The following BNC2 variants were observed in gnomAD, a reference collection of about 807,000 sequenced individuals.
BNC2 encodes basonuclin zinc finger protein 2.
In BNC2, 20 loss-of-function variants were observed where a neutral mutation model predicts 76.3. The ratio of observed to expected loss-of-function variants is 0.26; its 90% CI spans 0.18 to 0.38. The LOEUF (loss-of-function observed/expected upper bound fraction) is 0.38. Among genes scored for constraint, BNC2 ranks in the 10% least tolerant of loss-of-function variants. The pLI, the probability that BNC2 is intolerant of heterozygous loss-of-function variation, is 1.00. For missense variants in BNC2, 1,382 were observed against 1,399.8 expected (o/e 0.99, Z 0.20); for synonymous variants, 582 against 514.8 (o/e 1.13, Z -1.77).
intron 1 of BNC2, among the ~76,000 whole-genome samples, chr9:16,786,181 A>G (rs1399414294): frequency 6.6e-6 from 1 of 152,246 alleles, no homozygotes; most frequent in Non-Finnish European, 1.5e-5. Context: ...AGTGTGCGCT[A>G]GTTTTTACAG....
intron 5 of BNC2, among the ~76,000 whole-genome samples, chr9:16,459,203 T>C (rs1028955148): frequency 2.0e-5 from 3 of 152,212 alleles, no homozygotes; most frequent in Admixed American, 6.5e-5. Context: ...TGTCCTAGCA[T>C]GCATTCTAAC....
intron 1 of BNC2, among the ~76,000 whole-genome samples, chr9:16,847,804 C>T (rs1244019277): frequency 2.6e-5 from 4 of 152,142 alleles, no homozygotes; most frequent in Non-Finnish European, 5.9e-5. Context: ...ACCTGAGAAT[C>T]TACGGAGCAG....
chr9:16,420,332 G>A (rs1307295215), intron 6 of BNC2, among the ~76,000 whole-genome samples: 1 of 152,116 alleles, frequency 6.6e-6, no homozygotes, highest in African/African-American at 2.4e-5. Flanking sequence ...GGGAATCCCA[G>A]TTAAATCTAA....
rs144049691 is a variant in BNC2, at chr9:16,765,452, A to T, written c.4-26967T>A. On this transcript the variant is annotated intron_variant, in intron 1 of 6. Transcript: ENST00000380672. The stretch of plus-strand genomic sequence containing the variant: ...GAAACAATATTACTCAATATTATTA[A>T]ATCTGTTATTATTAACATTTTAGTC... Among the ~76,000 whole-genome samples, 326 of 152,316 alleles carry T rather than the reference A, an allele frequency of 2.1e-3. 4 individuals are homozygous for T. The highest frequency in any genetic ancestry group is 7.7e-3 in the African/African-American group (320 of 41,564).
At chr9:16,705,841 A>G (rs1350586975) in intron 3 of BNC2, among the ~76,000 whole-genome samples, 2 of 152,214 alleles carry the variant, frequency 1.3e-5, no homozygotes, top group African/African-American at 2.4e-5. Context: ...AACAATTCCT[A>G]TTTCTCCAGA....
chr9:16,758,079 A>G (rs1466364822), intron 1 of BNC2, among the ~76,000 whole-genome samples: 2 of 152,186 alleles, frequency 1.3e-5, no homozygotes, highest in Non-Finnish European at 2.9e-5. Context: ...AAGAGACTCA[A>G]AAGCAGAATC....
chr9:16,498,530 G>C (rs1387828249), intron 5 of BNC2, among the ~76,000 whole-genome samples: 3 of 150,968 alleles, frequency 2.0e-5, no homozygotes, highest in Non-Finnish European at 2.9e-5. Flanking sequence ...GAGTGGGAGG[G>C]GGGTGAGGGA....
chr9:16,793,783 A>G (rs1586888945), intron 1 of BNC2, among the ~76,000 whole-genome samples: 1 of 144,966 alleles, frequency 6.9e-6, no homozygotes, highest in Non-Finnish European at 1.5e-5. Flanking sequence ...CTCCTGCCTC[A>G]GCCTCCCGAG....
In BNC2 at chr9:16,488,992, A is replaced by G. The variant is rs1297018671; in HGVS notation, c.670-51468T>C. ...TCATTCAGTATAAACCTATACACTA[A>G]GACAATAGAATTAAAAATTAAAATA... is the stretch of plus-strand genomic sequence containing the variant. On this transcript the variant is annotated intron_variant, in intron 5 of 6. Coordinates refer to ENST00000380672, the MANE Select transcript of BNC2 (RefSeq NM_017637.6). Among the ~76,000 whole-genome samples the G allele has an allele frequency of 2.6e-5, 4 of 152,182 alleles. No homozygotes were observed. The South Asian group carries it at 8.3e-4, about 31-fold the overall frequency.
At chr9:16,541,841 T>G (rs12684989) in intron 5 of BNC2, among the ~76,000 whole-genome samples, 1 of 152,160 alleles carries the variant, frequency 6.6e-6, no homozygotes, top group Non-Finnish European at 1.5e-5. Context: ...GTCACTGATC[T>G]GTGTTCCAAA....
chr9:16,715,395 T>A (rs760819264), intron 3 of BNC2, among the ~76,000 whole-genome samples: 2 of 152,248 alleles, frequency 1.3e-5, no homozygotes, highest in African/African-American at 2.4e-5. Context: ...AGAATTTGGT[T>A]GATCCCAGTG....
At chr9:16,788,913 C>T (rs772630940) in intron 1 of BNC2, among the ~76,000 whole-genome samples, 1 of 151,396 alleles carries the variant, frequency 6.6e-6, no homozygotes, top group Non-Finnish European at 1.5e-5. Context: ...CCACCTCCTA[C>T]CTCAAACCAA....
intron 1 of BNC2, among the ~76,000 whole-genome samples, chr9:16,822,141 G>A (rs532577239): frequency 2.1e-3 from 307 of 147,676 alleles, no homozygotes; most frequent in Non-Finnish European, 3.5e-3. Flanking sequence ...TGACATGCCC[G>A]TAATCCCAGC....
At chr9:16,558,714 A>C (rs1456955589) in intron 4 of BNC2, among the ~76,000 whole-genome samples, 1 of 152,062 alleles carries the variant, frequency 6.6e-6, no homozygotes, top group Non-Finnish European at 1.5e-5. Context: ...GCGGATCATG[A>C]GGTTAGGAGT....
At chr9:16,656,599 C>T (rs1821937586) in intron 3 of BNC2, among the ~76,000 whole-genome samples, 2 of 152,204 alleles carry the variant, frequency 1.3e-5, no homozygotes, top group South Asian at 4.1e-4. Flanking sequence ...GCTACCATCA[C>T]CACAACCAGA....
intron 5 of BNC2, among the ~76,000 whole-genome samples, chr9:16,453,865 T>C (rs955801698): frequency 2.0e-5 from 3 of 152,214 alleles, no homozygotes; most frequent in African/African-American, 7.2e-5. Context: ...GATTTAAGCA[T>C]AAATTCTTTA....
intron 6 of BNC2, chr9:16,429,850 A>T: frequency 2.2e-6 from 1 of 459,940 alleles, no homozygotes; most frequent in Admixed American, 2.3e-5. Context: ...TGGAGGAGTG[A>T]AAGGTCAGCA....
intron 1 of BNC2, among the ~76,000 whole-genome samples, chr9:16,849,377 G>A (rs1439341102): frequency 6.4e-5 from 1 of 15,556 alleles, no homozygotes. Context: ...TTTTTTTTTT[G>A]AGATGGAGTC....
At chr9:16,652,945 C>T (rs760336965) in intron 3 of BNC2, among the ~76,000 whole-genome samples, 2 of 152,152 alleles carry the variant, frequency 1.3e-5, no homozygotes, top group African/African-American at 4.8e-5. Flanking sequence ...TCCTCAAGGG[C>T]ACCCTGTGGG....
Sources: gnomAD v4.1 joint callset for allele counts (sites outside exome capture counted in the v4.1 genomes callset) on GRCh38, gnomAD v4.1.1 for gene constraint, MANE v1.5 for transcripts, NCBI Gene and HGNC (gene_info 2026-07-23, HGNC 2026-07-21) for gene names.